Variants in DST observed in about 807,000 individuals in gnomAD.
DST encodes bullous pemphigoid antigen.
In DST, 253 loss-of-function variants were observed where a neutral mutation model predicts 875.2. That is an observed-to-expected ratio of 0.29 (90% CI 0.26 to 0.32). The LOEUF (loss-of-function observed/expected upper bound fraction) is 0.32, where lower values mean the gene tolerates loss of function less well. Among genes scored for constraint, DST ranks in the 10% least tolerant of loss-of-function variants. The pLI, the probability that DST is intolerant of heterozygous loss-of-function variation, is 1.00. For missense variants in DST, 8,287 were observed against 9,111.6 expected, an observed-to-expected ratio of 0.91 and a Z score of 3.68; for synonymous variants, 3,124 against 3,197.1, an observed-to-expected ratio of 0.98 and a Z score of 0.77.
chr6:56,523,814 T>A (rs755843259), intron 69 of DST, among the ~76,000 whole-genome samples: 2 of 152,140 alleles, frequency 1.3e-5, no homozygotes, highest in Non-Finnish European at 2.9e-5. Context: ...TACCCCATCA[T>A]GTGTGGCTGT....
At position 56,494,311 on chromosome 6, in the gene DST, C is replaced by T. The variant is rs41271860; in HGVS notation, c.20224-131G>A. The T allele has an allele frequency of 0.014, 9,923 of 702,608 alleles. 93 individuals are homozygous for T. Among genetic ancestry groups the T allele is most frequent in the South Asian group, 0.022 (674 of 31,066 alleles). 43.5% of individuals were successfully genotyped at this position (702,608 alleles called of 1,614,324 possible). ...GTTTGCTCTCTCAGGGCAACCTTGA[C>T]GCATTTATACTTTTCACTACATTGA... On this transcript the variant is annotated intron_variant, in intron 82 of 103. Transcript: ENST00000680361.
chr6:56,815,429 C>T (rs1442655352), intron 4 of DST, among the ~76,000 whole-genome samples: 1 of 152,190 alleles, frequency 6.6e-6, no homozygotes, highest in Non-Finnish European at 1.5e-5. Context: ...TATATCATAT[C>T]TACACTGAGC....
intron 55 of DST, among the ~76,000 whole-genome samples, chr6:56,565,742 T>C (rs913672221): frequency 2.6e-5 from 4 of 152,176 alleles, no homozygotes; most frequent in African/African-American, 9.7e-5. Context: ...GGAGATCCGC[T>C]GCTCTCTTCA....
chr6:56,609,166 G>C lies in DST; in HGVS notation c.5462C>G (p.Ala1821Gly), dbSNP rs1199022862. 1 of 1,613,830 alleles carries C rather than the reference G, an allele frequency of 6.2e-7. No homozygotes were observed. The highest frequency in any genetic ancestry group is 2.2e-5 in the East Asian group (1 of 44,874). ...ELRKCFDLKD[A>G]KSHGLIDEQI... ...TTCATCAATAAGGCCATGACTTTTG[G>C]CATCTTTAAGGTCAAAGCACTTTCT... is the stretch of plus-strand genomic sequence containing the variant. Residue 1821 changes from alanine (A) to glycine (G), a missense_variant, in exon 40 of 104, where the codon GCC (alanine) becomes GGC (glycine). Coordinates refer to ENST00000680361, the MANE Select transcript of DST (RefSeq NM_001374736.1).
At position 56,493,985 on chromosome 6, in the gene DST, CTATTA is replaced by C. The variant is rs2152443992; in HGVS notation, c.20394+20_20394+24del. The stretch of plus-strand genomic sequence containing the variant: ...ACATGAAACAACTAAAACACTGATT[CTATTA>C]TATTAATCAAAGCACATACTTTCCT... On this transcript the variant is annotated intron_variant, in intron 83 of 103. Coordinates refer to ENST00000680361, the MANE Select transcript of DST (RefSeq NM_001374736.1). 2 of 1,510,370 alleles carry C rather than the reference CTATTA, an allele frequency of 1.3e-6. No individual in the cohort carries two copies. Among genetic ancestry groups the C allele is most frequent in the Non-Finnish European group, 1.8e-6 (2 of 1,124,658 alleles). 93.6% of individuals were successfully genotyped at this position (1,510,370 alleles called of 1,614,324 possible).
chr6:56,954,369 C>G (rs1262277023), intron 1 of DST, 38 bp downstream of exon 1: 2 of 1,339,776 alleles, frequency 1.5e-6, no homozygotes, highest in Middle Eastern at 2.1e-4. Context: ...CTTAATTGTT[C>G]CTGGTAGCCC....
intron 4 of DST, among the ~76,000 whole-genome samples, chr6:56,812,434 C>A (rs2099761544): frequency 1.3e-5 from 2 of 152,054 alleles, no homozygotes; most frequent in African/African-American, 4.8e-5. Flanking sequence ...AGAAAAACAT[C>A]TAAAAAGAGT....
intron 84 of DST, 62 bp downstream of exon 84, chr6:56,492,872 A>C (rs1348577726): frequency 2.8e-5 from 19 of 675,582 alleles, no homozygotes; most frequent in Admixed American, 4.9e-5. Flanking sequence ...CTCAGTCTCA[A>C]AAAAAAAAAA....
intron 69 of DST, among the ~76,000 whole-genome samples, chr6:56,524,072 T>C (rs890446168): frequency 5.9e-5 from 9 of 152,172 alleles, no homozygotes; most frequent in African/African-American, 2.2e-4. Context: ...GATGTAGTTA[T>C]TGGGTAAAAC....
intron 3 of DST, among the ~76,000 whole-genome samples, chr6:56,891,498 G>A (rs1054486230): frequency 6.6e-6 from 1 of 151,668 alleles, no homozygotes; most frequent in Non-Finnish European, 1.5e-5. Flanking sequence ...ACCGGGAGGT[G>A]GAGCTTGCAG....
chr6:56,680,374 A>G (rs1431116936), intron 9 of DST, among the ~76,000 whole-genome samples: 1 of 152,214 alleles, frequency 6.6e-6, no homozygotes, highest in Non-Finnish European at 1.5e-5. Context: ...GTGAGAGATC[A>G]TCTATCACCT....
chr6:56,774,441 C>T (rs1050239693), intron 4 of DST, among the ~76,000 whole-genome samples: 2 of 152,206 alleles, frequency 1.3e-5, no homozygotes. Context: ...GACAGCCCAT[C>T]ATCCTCTAAA....
rs1474901377 is a variant in DST at position 56,606,253 on chromosome 6, T to C, written c.8375A>G (p.Glu2792Gly). Residue 2792 changes from glutamate (E) to glycine (G), a missense_variant, in exon 40 of 104, where the codon GAA becomes GGA. Physicochemically the swap from Glu to Gly is moderately conservative, Grantham distance 98 (BLOSUM62 -2). This residue lies in a region of DST where 3,138 missense variants were observed against 3,116.6 expected (regional missense o/e 1.01). Coordinates refer to ENST00000680361, the MANE Select transcript of DST (RefSeq NM_001374736.1). ...GTCATATATATAATCCCCATAACTT[T>C]CTTCACTTTGCATAGAATCTAAATG... The part of the protein sequence containing the change: ...TDHLDSMQSE[E>G]SYGDYIYDSN... The C allele has an allele frequency of 6.4e-7, 1 of 1,570,430 alleles. No individual in the cohort carries two copies.
At chr6:56,774,113 C>CAAAAAAAAAAA (rs59394529) in intron 4 of DST, among the ~76,000 whole-genome samples, 3 of 76,176 alleles carry the variant, frequency 3.9e-5, no homozygotes, top group African/African-American at 1.3e-4. Context: ...GATTCTGTCT[C>CAAAAAAAAAAA]AAAAAAAAAA....
intron 86 of DST, 76 bp from the exon 87 acceptor site, chr6:56,487,349 T>A (rs2095602411): frequency 7.9e-7 from 1 of 1,273,072 alleles, no homozygotes; most frequent in Non-Finnish European, 1.1e-6. Flanking sequence ...AACAGAGGCA[T>A]CCCTAATAAA....
intron 4 of DST, among the ~76,000 whole-genome samples, chr6:56,748,260 T>C (rs1160783841): frequency 2.6e-5 from 4 of 152,166 alleles, no homozygotes; most frequent in African/African-American, 7.2e-5. Context: ...CTTCACTAGA[T>C]TGTATTTGGT....
intron 5 of DST, among the ~76,000 whole-genome samples, chr6:56,717,361 G>T (rs1046013539): frequency 1.3e-5 from 2 of 152,064 alleles, no homozygotes; most frequent in African/African-American, 4.8e-5. Flanking sequence ...ACCTCCTGCT[G>T]TAACAGGCCA....
intron 9 of DST, among the ~76,000 whole-genome samples, chr6:56,694,424 T>C (rs1326573971): frequency 1.3e-5 from 2 of 152,176 alleles, no homozygotes; most frequent in Non-Finnish European, 2.9e-5. Flanking sequence ...AGATCCTGCA[T>C]TGTAAAATTT....
intron 88 of DST, 166 bp downstream of exon 88, chr6:56,485,146 T>C: frequency 2.9e-6 from 2 of 683,394 alleles, no homozygotes; most frequent in Non-Finnish European, 4.7e-6. Flanking sequence ...CTTTTAAAGT[T>C]TGCTTCCAGG....
Sources: gnomAD v4.1 joint callset for allele counts (sites outside exome capture counted in the v4.1 genomes callset) on GRCh38, gnomAD v4.1.1 for gene constraint, gnomAD v4.1.1 regional missense constraint, MANE v1.5 for transcripts, NCBI Gene and HGNC (gene_info 2026-07-23, HGNC 2026-07-21) for gene names.